Variants in TOX3 observed in about 807,000 individuals in gnomAD.
TOX3 encodes the protein CAG trinucleotide repeat-containing gene F9 protein.
TOX3 carries 22 observed loss-of-function variants against 64.3 expected under a neutral mutation model. That is an observed-to-expected ratio of 0.34 (90% CI 0.24 to 0.49). TOX3 has a LOEUF of 0.49. Among genes scored for constraint, TOX3 ranks in the 20% least tolerant of loss-of-function variants. TOX3 has a pLI of 0.99. For synonymous variants in TOX3, 291 were observed against 273.6 expected, an observed-to-expected ratio of 1.06 and a Z score of -0.63; for missense variants, 661 against 714.4, an observed-to-expected ratio of 0.93 and a Z score of 0.85.
chr16:52,447,408 T>C (rs1426234743), intron 4 of TOX3, among the ~76,000 whole-genome samples: 1 of 152,198 alleles, frequency 6.6e-6, no homozygotes, highest in Non-Finnish European at 1.5e-5. Context: ...ATTTGGAACT[T>C]TCACTAAATT....
intron 1 of TOX3, among the ~76,000 whole-genome samples, chr16:52,489,158 C>T (rs555721713): frequency 6.6e-6 from 1 of 152,228 alleles, no homozygotes; most frequent in South Asian, 2.1e-4. Flanking sequence ...TTGGCTCTGT[C>T]AATTTACCTC....
intron 6 of TOX3, 124 bp from the exon 7 acceptor site, chr16:52,440,092 G>C (rs12924991): frequency 0.46 from 352,195 of 758,896 alleles, 84,052 homozygotes; most frequent in African/African-American, 0.64. Flanking sequence ...CCTCCTGTAT[G>C]TGTACTCTTT....
chr16:52,441,226 C>T (rs189588910), intron 6 of TOX3, among the ~76,000 whole-genome samples: 3 of 152,138 alleles, frequency 2.0e-5, no homozygotes, highest in Admixed American at 2.0e-4. Context: ...ACTTGAAAGC[C>T]CTGTGTTGTG....
intron 1 of TOX3, among the ~76,000 whole-genome samples, chr16:52,511,406 T>C (rs1962306706): frequency 6.6e-6 from 1 of 151,952 alleles, no homozygotes; most frequent in Admixed American, 6.6e-5. Context: ...GCAGGAAAAT[T>C]GCTTAAACCT....
At position 52,500,163 on chromosome 16, in the gene TOX3, T is replaced by C. The variant is rs1219141507; in HGVS notation, c.88-31589A>G. ...AGATTCTTAAAAACGTATTAATGTT[T>C]AGTCTGTAAAGGAAGTCACATCGCA... is the stretch of plus-strand genomic sequence containing the variant. On this transcript the variant is annotated intron_variant, in intron 1 of 6. Coordinates refer to ENST00000219746, the MANE Select transcript of TOX3 (RefSeq NM_001080430.4). Among the ~76,000 whole-genome samples, 5 of 152,322 alleles carry C rather than the reference T, an allele frequency of 3.3e-5. No individual in the cohort carries two copies. In the East Asian group the frequency reaches 9.7e-4, roughly 29 times the overall value.
chr16:52,462,726 G>A (rs996852571), intron 3 of TOX3, among the ~76,000 whole-genome samples: 4 of 151,680 alleles, frequency 2.6e-5, no homozygotes, highest in African/African-American at 9.7e-5. Flanking sequence ...CCATTCCAGT[G>A]TCAAAGGTAC....
At chr16:52,526,170 C>T (rs1013292066) in intron 1 of TOX3, among the ~76,000 whole-genome samples, 2 of 152,208 alleles carry the variant, frequency 1.3e-5, no homozygotes, top group Admixed American at 1.3e-4. Context: ...TTTTTTCCCT[C>T]ATAAATCTAT....
intron 3 of TOX3, among the ~76,000 whole-genome samples, chr16:52,450,791 T>TGGAAGGAAGGAAGGAAGGAA (rs555228421): frequency 1.7e-5 from 2 of 116,566 alleles, no homozygotes; most frequent in Non-Finnish European, 3.4e-5. Context: ...TCAGTGGATG[T>TGGAAGGAAGGAAGGAAGGAA]GGAAGGAAGG....
At position 52,485,761 on chromosome 16, in the gene TOX3, T is replaced by C. The variant is rs45531039; in HGVS notation, c.88-17187A>G. On this transcript the variant is annotated intron_variant, in intron 1 of 6. Transcript: ENST00000219746. ...GACCAGATGAGAGATGATGAGAGCA[T>C]GACCCCAGATGGTAATGGAGAGAAG... Among the ~76,000 whole-genome samples, 654 of 152,250 alleles carry C rather than the reference T, an allele frequency of 4.3e-3. 5 individuals carry two copies. Among genetic ancestry groups the C allele is most frequent in the Middle Eastern group, 0.017 (5 of 294 alleles).
At chr16:52,440,300 T>A (rs1959926385) in intron 6 of TOX3, among the ~76,000 whole-genome samples, 1 of 151,766 alleles carries the variant, frequency 6.6e-6, no homozygotes, top group African/African-American at 2.4e-5. Context: ...CCCTCAAGAG[T>A]CAGTTCACTG....
intron 1 of TOX3, 123 bp from the exon 2 acceptor site, chr16:52,468,697 G>A: frequency 1.4e-6 from 1 of 713,798 alleles, no homozygotes; most frequent in Admixed American, 2.4e-5. Flanking sequence ...TGCAAAACAT[G>A]ACAAAGGTTT....
chr16:52,511,043 T>G (rs1962295358), intron 1 of TOX3, among the ~76,000 whole-genome samples: 1 of 152,098 alleles, frequency 6.6e-6, no homozygotes, highest in African/African-American at 2.4e-5. Flanking sequence ...CTTTCAAGAA[T>G]GCCTGGGGGT....
At chr16:52,532,896 C>T (rs1364751505) in intron 1 of TOX3, among the ~76,000 whole-genome samples, 1 of 152,138 alleles carries the variant, frequency 6.6e-6, no homozygotes, top group East Asian at 1.9e-4. Flanking sequence ...AAGGACTCAT[C>T]AGGGAAGTAT....
chr16:52,532,166 A>C (rs1962865053), intron 1 of TOX3, among the ~76,000 whole-genome samples: 1 of 152,064 alleles, frequency 6.6e-6, no homozygotes, highest in Non-Finnish European at 1.5e-5. Flanking sequence ...CCCTGGGGTA[A>C]ATTGCAAAAA....
intron 3 of TOX3, among the ~76,000 whole-genome samples, chr16:52,462,791 A>G (rs1960730586): frequency 6.6e-6 from 1 of 152,050 alleles, no homozygotes; most frequent in Non-Finnish European, 1.5e-5. Flanking sequence ...AGTAACGTTT[A>G]TGAATACTTA....
At chr16:52,513,515 T>C (rs1043542433) in intron 1 of TOX3, among the ~76,000 whole-genome samples, 2 of 152,200 alleles carry the variant, frequency 1.3e-5, no homozygotes, top group Admixed American at 6.5e-5. Context: ...AAGTCTCCTA[T>C]AGTTAACATG....
chr16:52,477,781 C>G (rs993471586), intron 1 of TOX3, among the ~76,000 whole-genome samples: 5 of 152,122 alleles, frequency 3.3e-5, no homozygotes, highest in Non-Finnish European at 5.9e-5. Flanking sequence ...TGCCACATCA[C>G]AGGGGTTTTG....
chr16:52,527,958 T>C (rs1233724949), intron 1 of TOX3, among the ~76,000 whole-genome samples: 1 of 152,186 alleles, frequency 6.6e-6, no homozygotes, highest in African/African-American at 2.4e-5. Flanking sequence ...GGGATGCTGC[T>C]AAACCTCCTA....
intron 1 of TOX3, among the ~76,000 whole-genome samples, chr16:52,531,808 T>C (rs1386455900): frequency 6.6e-6 from 1 of 151,646 alleles, no homozygotes. Context: ...CCATTGAAGG[T>C]GAGAAAAGAT....
Sources: allele counts gnomAD v4.1 joint callset (sites outside exome capture counted in the v4.1 genomes callset), GRCh38; gene constraint gnomAD v4.1.1; transcripts MANE v1.5; gene names NCBI Gene and HGNC (gene_info 2026-07-23, HGNC 2026-07-21).